The following LZTS1 variants were observed in gnomAD, a reference collection of about 807,000 sequenced individuals.
The protein encoded by LZTS1 is leucine zipper putative tumor suppressor 1.
LZTS1 carries 31 observed loss-of-function variants against 45.8 expected under a neutral mutation model. The ratio of observed to expected loss-of-function variants is 0.68; its 90% CI spans 0.51 to 0.91. LZTS1 has a LOEUF of 0.91. Among genes scored for constraint, LZTS1 ranks in the 40% least tolerant of loss-of-function variants. LZTS1 has a pLI of 0.00. For missense variants in LZTS1, 821 were observed against 788.9 expected, an observed-to-expected ratio of 1.04 and a Z score of -0.49; for synonymous variants, 359 against 357.3, an observed-to-expected ratio of 1.00 and a Z score of -0.05.
intron 1 of LZTS1, among the ~76,000 whole-genome samples, chr8:20,284,450 G>A (rs553945902): frequency 6.6e-6 from 1 of 152,286 alleles, no homozygotes; most frequent in East Asian, 1.9e-4. Flanking sequence ...CAGAGCAGAG[G>A]ATGAGAAAGA....
At chr8:20,264,605 G>A (rs1800310640) in intron 1 of LZTS1, among the ~76,000 whole-genome samples, 1 of 152,168 alleles carries the variant, frequency 6.6e-6, no homozygotes, top group African/African-American at 2.4e-5. Flanking sequence ...GAGGAGCCCT[G>A]TGACCAGGTG....
chr8:20,273,778 G>GT (rs796073706), intron 1 of LZTS1, among the ~76,000 whole-genome samples: 7,503 of 149,980 alleles, frequency 0.05, 636 homozygotes, highest in African/African-American at 0.18. Flanking sequence ...TGTTATATTT[G>GT]TTTTTTTTTT....
At chr8:20,301,120 C>CAAAA (rs71222143) in intron 1 of LZTS1, among the ~76,000 whole-genome samples, 15 of 107,144 alleles carry the variant, frequency 1.4e-4, no homozygotes, top group African/African-American at 2.5e-4. Flanking sequence ...GACTCCGTCT[C>CAAAA]AAAAAAAAAA....
intron 2 of LZTS1, among the ~76,000 whole-genome samples, chr8:20,254,109 T>G (rs1477568517): frequency 1.3e-5 from 2 of 152,220 alleles, no homozygotes; most frequent in African/African-American, 4.8e-5. Flanking sequence ...CCCCTTAATT[T>G]GAAAAGCTGA....
At chr8:20,303,590 G>GGCTGT in intron 1 of LZTS1, 150 bp downstream of exon 1, 1 of 658,702 alleles carries the variant, frequency 1.5e-6, no homozygotes, top group Non-Finnish European at 1.9e-6. Context: ...CGGAGACAAA[G>GGCTGT]ACACCTCGAC....
At chr8:20,301,266 T>G (rs867461380) in intron 1 of LZTS1, among the ~76,000 whole-genome samples, 27 of 152,146 alleles carry the variant, frequency 1.8e-4, no homozygotes, top group African/African-American at 6.0e-4. Flanking sequence ...GTCCAGAACC[T>G]TACTAAGCTG....
intron 1 of LZTS1, among the ~76,000 whole-genome samples, chr8:20,267,533 T>G (rs1362534765): frequency 2.0e-5 from 3 of 152,174 alleles, no homozygotes. Context: ...TGTTTGTTTT[T>G]TGAGACAGAG....
intron 1 of LZTS1, among the ~76,000 whole-genome samples, chr8:20,274,969 G>GTGTGTGTGTGTC (rs1554553688): frequency 6.6e-6 from 1 of 151,332 alleles, no homozygotes; most frequent in Non-Finnish European, 1.5e-5. Context: ...TACTGTGTGT[G>GTGTGTGTGTGTC]TGTGTGTGTG....
chr8:20,270,137 A>G (rs1324294549), intron 1 of LZTS1, among the ~76,000 whole-genome samples: 1 of 152,262 alleles, frequency 6.6e-6, no homozygotes, highest in Non-Finnish European at 1.5e-5. Flanking sequence ...TGTTAAGGCC[A>G]GCGATGCTTC....
chr8:20,253,612 T>G, intron 2 of LZTS1, 27 bp from the exon 3 acceptor site: 10 of 1,425,230 alleles, frequency 7.0e-6, no homozygotes, highest in Non-Finnish European at 9.2e-6. Flanking sequence ...CCGCGGTGAC[T>G]CATGCCTCCC....
intron 1 of LZTS1, among the ~76,000 whole-genome samples, chr8:20,268,569 A>G (rs1800410150): frequency 6.6e-6 from 1 of 152,060 alleles, no homozygotes; most frequent in Non-Finnish European, 1.5e-5. Context: ...CCTTTGAGCT[A>G]GTTAATCATC....
chr8:20,255,663 G>C (rs1446558014), intron 1 of LZTS1, among the ~76,000 whole-genome samples: 1 of 151,668 alleles, frequency 6.6e-6, no homozygotes, highest in African/African-American at 2.4e-5. Context: ...CCAGTGCTGC[G>C]GGTACCAGTG....
intron 1 of LZTS1, among the ~76,000 whole-genome samples, chr8:20,261,835 T>A (rs975681572): frequency 6.6e-6 from 1 of 152,206 alleles, no homozygotes; most frequent in African/African-American, 2.4e-5. Context: ...TCTGCCGCCA[T>A]GCAGTGAGCA....
chr8:20,257,359 CA>C (rs920437640), intron 1 of LZTS1, among the ~76,000 whole-genome samples: 4 of 147,310 alleles, frequency 2.7e-5, no homozygotes, highest in East Asian at 4.0e-4. Flanking sequence ...GTTCCTGTCT[CA>C]AAAAAAAAAG....
At chr8:20,270,799 C>CTGTGTG (rs1281545019) in intron 1 of LZTS1, among the ~76,000 whole-genome samples, 2 of 123,074 alleles carry the variant, frequency 1.6e-5, no homozygotes, top group African/African-American at 6.0e-5. Flanking sequence ...AGTGTGTCCT[C>CTGTGTG]TGTGTGTGTG....
intron 1 of LZTS1, among the ~76,000 whole-genome samples, chr8:20,256,144 C>T (rs1175153181): frequency 6.7e-6 from 1 of 148,772 alleles, no homozygotes; most frequent in Non-Finnish European, 1.5e-5. Context: ...GAGAGGGGTA[C>T]CAGAAGAAAC....
intron 1 of LZTS1, among the ~76,000 whole-genome samples, chr8:20,267,766 C>T (rs938144313): frequency 2.0e-5 from 3 of 152,132 alleles, no homozygotes; most frequent in South Asian, 2.1e-4. Context: ...CCACCCGACT[C>T]GGACTCCCAA....
chr8:20,269,991 C>G (rs1480547385), intron 1 of LZTS1, among the ~76,000 whole-genome samples: 1 of 152,222 alleles, frequency 6.6e-6, no homozygotes, highest in Non-Finnish European at 1.5e-5. Flanking sequence ...GGGGCCCCTT[C>G]AGGGCATTAC....
chr8:20,299,638 C>T (rs1278589458), intron 1 of LZTS1, among the ~76,000 whole-genome samples: 1 of 152,066 alleles, frequency 6.6e-6, no homozygotes, highest in Non-Finnish European at 1.5e-5. Context: ...ACTTAAATCG[C>T]CATGGAGCCC....
Sources: allele counts gnomAD v4.1 joint callset (sites outside exome capture counted in the v4.1 genomes callset), GRCh38; gene constraint gnomAD v4.1.1; transcripts MANE v1.5; gene names NCBI Gene and HGNC (gene_info 2026-07-23, HGNC 2026-07-21).